SEC23B: variants seen among roughly 807,000 people sequenced by gnomAD.
SEC23B encodes the protein SEC23 homolog B, COPII component.
In SEC23B, 77 loss-of-function variants were observed where a neutral mutation model predicts 104.3. The observed-to-expected ratio is 0.74, with a 90% confidence interval of 0.61 to 0.89. SEC23B has a LOEUF of 0.89. Ranked by LOEUF, SEC23B falls within the 40% of genes least tolerant of loss-of-function variation. The pLI is 0.00. For missense variants in SEC23B, 885 were observed against 949.4 expected (o/e 0.93, Z 0.89); for synonymous variants, 338 against 332.5 (o/e 1.02, Z -0.18).
Position 18,560,767 on chromosome 20 carries a change from C to T in SEC23B, c.*27C>T, listed in dbSNP as rs367680705. The T allele has an allele frequency of 1.7e-5, 26 of 1,531,044 alleles. No homozygotes were observed. The highest frequency in any genetic ancestry group is 4.1e-5 in the African/African-American group (3 of 73,140). The allele number at this position is 1,531,044 out of a possible 1,614,324, so 94.8% of individuals were successfully genotyped here. On this transcript the variant is annotated 3_prime_UTR_variant, in exon 20 of 20. Coordinates refer to ENST00000650089, the MANE Select transcript of SEC23B (RefSeq NM_006363.6). Reference sequence around the variant, plus strand: ...CTGAGGATACAACCAGGAAATGCAACGGTGTCAGATTGTGTTCAAAATGTC... The same window carrying T: ...CTGAGGATACAACCAGGAAATGCAATGGTGTCAGATTGTGTTCAAAATGTC...
At chr20:18,512,912 G>A (rs118107265) in intron 3 of SEC23B, among the ~76,000 whole-genome samples, 1,586 of 152,106 alleles carry the variant, frequency 0.01, 10 homozygotes, top group Middle Eastern at 0.017. Flanking sequence ...TAGGCCGGGC[G>A]CGGTGACTTA....
chr20:18,526,046 G>C, intron 7 of SEC23B, 114 bp downstream of exon 7: 1 of 1,244,270 alleles, frequency 8.0e-7, no homozygotes, highest in Non-Finnish European at 1.2e-6. Context: ...CTGTGTTAAT[G>C]TATCAGAAAG....
intron 19 of SEC23B, among the ~76,000 whole-genome samples, chr20:18,555,398 C>T (rs1257652846): frequency 1.3e-5 from 2 of 151,954 alleles, no homozygotes; most frequent in African/African-American, 4.8e-5. Flanking sequence ...TACAGCAGAA[C>T]ATACCAGGTT....
chr20:18,560,768 G>A lies in SEC23B; in HGVS notation c.*28G>A, dbSNP rs371480914. The A allele has an allele frequency of 7.2e-6, 11 of 1,528,114 alleles. No homozygotes were observed. Among genetic ancestry groups the A allele is most frequent in the East Asian group, 4.5e-5 (2 of 44,468 alleles). 94.7% of individuals were successfully genotyped at this position (1,528,114 alleles called of 1,614,324 possible). On this transcript the variant is annotated 3_prime_UTR_variant, in exon 20 of 20. Transcript: ENST00000650089. ...TGAGGATACAACCAGGAAATGCAAC[G>A]GTGTCAGATTGTGTTCAAAATGTCT...
intron 1 of SEC23B, chr20:18,509,870 G>A (rs1188348557): frequency 1.3e-5 from 2 of 152,268 alleles, no homozygotes; most frequent in African/African-American, 2.4e-5. Flanking sequence ...ATAGGTGTGA[G>A]CCACCACACC....
chr20:18,516,248 C>CTTTTTT (rs71194246), intron 4 of SEC23B, among the ~76,000 whole-genome samples: 1 of 139,046 alleles, frequency 7.2e-6, no homozygotes, highest in Non-Finnish European at 1.5e-5. Flanking sequence ...CACAGTAATT[C>CTTTTTT]TTTTTTTTTT....
At chr20:18,552,741 G>T (rs1202164940) in intron 17 of SEC23B, among the ~76,000 whole-genome samples, 1 of 152,116 alleles carries the variant, frequency 6.6e-6, no homozygotes, top group Non-Finnish European at 1.5e-5. Context: ...TTGAACTCAG[G>T]AAGTGGAGGT....
At chr20:18,512,307 G>A in intron 3 of SEC23B, 25 bp downstream of exon 3, 2 of 1,410,666 alleles carry the variant, frequency 1.4e-6, no homozygotes, top group East Asian at 2.4e-5. Context: ...TTTAAAAAAT[G>A]TTATATGTTT....
chr20:18,554,359 G>A lies in SEC23B; in HGVS notation c.2117G>A (p.Arg706His), dbSNP rs753333456. The A allele has an allele frequency of 1.9e-5, 31 of 1,614,176 alleles. No homozygotes were observed. The highest frequency in any genetic ancestry group is 2.6e-5 in the Non-Finnish European group (31 of 1,180,042). The change falls in exon 18 of 20, where the codon CGT (arginine) becomes CAT (histidine). Residue 706 changes from arginine (R) to histidine (H), a missense_variant. Transcript: ENST00000650089. ...CTGCAAGCACGCTTCCCGATGCCAC[G>A]TTACATCAACACGGAGCATGGAGGC... ...EILQARFPMP[R>H]YINTEHGGSQ...
chr20:18,526,576 C>T (rs1044801323), intron 8 of SEC23B, 45 bp downstream of exon 8: 8 of 1,605,316 alleles, frequency 5.0e-6, no homozygotes, highest in Middle Eastern at 3.3e-4. Context: ...AGCCCATTGT[C>T]AGGTTTGGGC....
chr20:18,529,063 A>G lies in SEC23B; in HGVS notation c.1109+1452A>G, dbSNP rs141890551. ...TTGCAATTTCAAGGGGCAATAGGAGATGAATTGGAGATGTTTGAAGAAGAG... is the reference window on the plus strand; with the variant it reads ...TTGCAATTTCAAGGGGCAATAGGAGGTGAATTGGAGATGTTTGAAGAAGAG... On this transcript the variant is annotated intron_variant, in intron 9 of 19. Transcript: ENST00000650089. 1.2e-4 allele frequency among the ~76,000 whole-genome samples: 18 copies of G among 152,320 alleles called. No homozygotes were observed. The East Asian group carries it at 3.5e-3, about 29-fold the overall frequency.
chr20:18,510,130 A>G (rs181781320), intron 1 of SEC23B, among the ~76,000 whole-genome samples: 1 of 152,210 alleles, frequency 6.6e-6, no homozygotes, highest in Non-Finnish European at 1.5e-5. Context: ...GTAAAATTTA[A>G]TAGAGGAAGA....
chr20:18,550,241 G>A (rs2060375462), intron 16 of SEC23B, among the ~76,000 whole-genome samples: 2 of 151,748 alleles, frequency 1.3e-5, no homozygotes, highest in Admixed American at 6.6e-5. Flanking sequence ...TGCAACCTCC[G>A]CCTTCCAGGT....
At chr20:18,542,526 G>A (rs2060297285) in intron 13 of SEC23B, 124 bp downstream of exon 13, 1 of 1,001,878 alleles carries the variant, frequency 1.0e-6, no homozygotes, top group African/African-American at 1.6e-5. Flanking sequence ...GACCTCATTA[G>A]CTTATTTGAT....
rs545444799 is a variant in SEC23B, at chr20:18,554,372, G to A, written c.2130G>A (p.Thr710=). The part of the protein sequence containing the change: ...ARFPMPRYIN[T]EHGGSQARFL... Reference sequence around the variant, plus strand: ...TCCCGATGCCACGTTACATCAACACGGAGCATGGAGGCAGTCAGGTGAGTG... The same window carrying A: ...TCCCGATGCCACGTTACATCAACACAGAGCATGGAGGCAGTCAGGTGAGTG... The change falls in exon 18 of 20, where the codon ACG becomes ACA. Residue 710 remains threonine (T), a synonymous_variant. Transcript: ENST00000650089. 3.7e-5 allele frequency: 59 copies of A among 1,614,144 alleles called. No homozygotes were observed. The highest frequency in any genetic ancestry group is 4.5e-5 in the East Asian group (2 of 44,884).
At chr20:18,520,766 A>G (rs966597355) in intron 4 of SEC23B, among the ~76,000 whole-genome samples, 2 of 151,966 alleles carry the variant, frequency 1.3e-5, no homozygotes, top group African/African-American at 4.8e-5. Flanking sequence ...CTGATTAAGA[A>G]GGCGACGGAC....
intron 2 of SEC23B, 112 bp downstream of exon 2, chr20:18,511,168 A>C (rs2059979017): frequency 1.2e-6 from 1 of 826,394 alleles, no homozygotes; most frequent in African/African-American, 1.7e-5. Context: ...TGTGATAAGT[A>C]GTAGATGATG....
At chr20:18,533,485 C>A (rs1452908999) in intron 11 of SEC23B, among the ~76,000 whole-genome samples, 1 of 152,120 alleles carries the variant, frequency 6.6e-6, no homozygotes, top group South Asian at 2.1e-4. Context: ...CTGGCCCGAG[C>A]AAAGGACTTA....
At chr20:18,512,911 C>T (rs539607967) in intron 3 of SEC23B, among the ~76,000 whole-genome samples, 4 of 152,044 alleles carry the variant, frequency 2.6e-5, no homozygotes, top group South Asian at 2.1e-4. Flanking sequence ...TTAGGCCGGG[C>T]GCGGTGACTT....
Sources: gnomAD v4.1 joint callset for allele counts (sites outside exome capture counted in the v4.1 genomes callset) on GRCh38, gnomAD v4.1.1 for gene constraint, MANE v1.5 for transcripts, NCBI Gene and HGNC (gene_info 2026-07-23, HGNC 2026-07-21) for gene names.